KCNT2: variants seen among roughly 807,000 people sequenced by gnomAD.
KCNT2 encodes the protein potassium sodium-activated channel subfamily T member 2, also known as potassium channel subfamily T member 2.
Under a neutral mutation model 153.8 loss-of-function variants are expected in KCNT2, and 67 were observed. The ratio of observed to expected loss-of-function variants is 0.44; its 90% CI spans 0.36 to 0.53. KCNT2 has a LOEUF of 0.53. Ranked by LOEUF, KCNT2 falls within the 20% of genes least tolerant of loss-of-function variation. The pLI is 0.00. For synonymous variants in KCNT2, 500 were observed against 458.8 expected, an observed-to-expected ratio of 1.09 and a Z score of -1.15; for missense variants, 975 against 1,354.8, an observed-to-expected ratio of 0.72 and a Z score of 4.40.
chr1:196,372,880 G>A (rs1441569049), intron 14 of KCNT2, among the ~76,000 whole-genome samples: 2 of 151,718 alleles, frequency 1.3e-5, no homozygotes, highest in Non-Finnish European at 2.9e-5. Context: ...AAATGATGCC[G>A]GCACTTAGAA....
chr1:196,232,411 T>A (rs1356044475), intron 27 of KCNT2, among the ~76,000 whole-genome samples: 1 of 151,744 alleles, frequency 6.6e-6, no homozygotes, highest in African/African-American at 2.4e-5. Context: ...TTCCTTTTCC[T>A]ATTATTGTCA....
chr1:196,562,069 A>G (rs950287598), intron 1 of KCNT2, among the ~76,000 whole-genome samples: 15 of 151,952 alleles, frequency 9.9e-5, no homozygotes, highest in Admixed American at 6.6e-5. Flanking sequence ...GACTTGAAAA[A>G]GGTGCCAGGC....
intron 25 of KCNT2, among the ~76,000 whole-genome samples, chr1:196,268,565 G>A (rs1364577169): frequency 6.6e-6 from 1 of 152,112 alleles, no homozygotes; most frequent in Non-Finnish European, 1.5e-5. Context: ...AACTGTAACA[G>A]TGTCTCACTC....
chr1:196,417,333 T>C (rs1034161784), intron 12 of KCNT2, among the ~76,000 whole-genome samples: 2 of 152,072 alleles, frequency 1.3e-5, no homozygotes, highest in Non-Finnish European at 2.9e-5. Flanking sequence ...AAATCAATGA[T>C]TTTTTCCTAG....
intron 14 of KCNT2, among the ~76,000 whole-genome samples, chr1:196,371,378 T>C (rs1281520126): frequency 6.6e-6 from 1 of 151,954 alleles, no homozygotes; most frequent in Non-Finnish European, 1.5e-5. Flanking sequence ...AGGGTGATGC[T>C]AAAGGGTAGA....
intron 13 of KCNT2, among the ~76,000 whole-genome samples, chr1:196,391,128 T>A (rs1670452373): frequency 6.6e-6 from 1 of 151,296 alleles, no homozygotes; most frequent in Non-Finnish European, 1.5e-5. Flanking sequence ...AGGCTCCAAC[T>A]AAAGCTCTAT....
At chr1:196,565,775 C>G (rs866136211) in intron 1 of KCNT2, among the ~76,000 whole-genome samples, 41 of 151,426 alleles carry the variant, frequency 2.7e-4, no homozygotes, top group Non-Finnish European at 8.9e-5. Context: ...AAAAGTTAAA[C>G]CCATGGAAGT....
rs758719062 is a variant in KCNT2 at position 196,426,509 on chromosome 1, A to G, written c.985-521T>C. ...AAACACTGAAAATACTGACAAAGTA[A>G]ATTAAATGAACATGATATCAAAATA... is the stretch of plus-strand genomic sequence containing the variant. On this transcript the variant is annotated intron_variant, in intron 10 of 27. Coordinates refer to ENST00000294725, the MANE Select transcript of KCNT2 (RefSeq NM_198503.5). Among the ~76,000 whole-genome samples the G allele has an allele frequency of 6.6e-5, 10 of 152,150 alleles. No individual in the cohort carries two copies. In the South Asian group the frequency reaches 1.7e-3, roughly 25 times the overall value.
chr1:196,475,302 G>A (rs1428684729), intron 5 of KCNT2, among the ~76,000 whole-genome samples: 1 of 152,090 alleles, frequency 6.6e-6, no homozygotes, highest in African/African-American at 2.4e-5. Flanking sequence ...CTGTGTGTCT[G>A]TATATTACTT....
rs950088291 is a variant in KCNT2 at position 196,238,832 on chromosome 1, A to C, written c.3212-2762T>G. 1.2e-3 allele frequency among the ~76,000 whole-genome samples: 184 copies of C among 152,144 alleles called. 1 individual carries two copies. Among genetic ancestry groups the C allele is most frequent in the African/African-American group, 4.3e-3 (177 of 41,540 alleles). On this transcript the variant is annotated intron_variant, in intron 26 of 27. Transcript: ENST00000294725. ...GTACCCGAGAACTTAAAGTATAATA[A>C]TAATTAAAAAAGAATTAAAAAGTGA...
intron 19 of KCNT2, among the ~76,000 whole-genome samples, chr1:196,322,827 C>A (rs924266968): frequency 6.6e-6 from 1 of 151,770 alleles, no homozygotes; most frequent in Non-Finnish European, 1.5e-5. Context: ...TTATTCCTTG[C>A]TAGACAATAT....
chr1:196,515,906 G>C (rs1218089310), intron 1 of KCNT2, among the ~76,000 whole-genome samples: 4 of 152,244 alleles, frequency 2.6e-5, no homozygotes, highest in Middle Eastern at 3.4e-3. Flanking sequence ...TTCTCCCACA[G>C]ATTTTTGCAA....
chr1:196,471,718 C>A (rs1230519372), intron 5 of KCNT2, among the ~76,000 whole-genome samples: 1 of 143,452 alleles, frequency 7.0e-6, no homozygotes, highest in African/African-American at 3.0e-5. Flanking sequence ...AACCTTTTAT[C>A]TCTCTTATGT....
intron 6 of KCNT2, among the ~76,000 whole-genome samples, 165 bp downstream of exon 6, chr1:196,468,829 A>T (rs1379381851): frequency 2.6e-5 from 4 of 152,108 alleles, no homozygotes; most frequent in Non-Finnish European, 5.9e-5. Context: ...ATTTAGTTAC[A>T]CAACACGATC....
chr1:196,369,306 A>T (rs963948006), intron 14 of KCNT2, among the ~76,000 whole-genome samples: 3 of 152,026 alleles, frequency 2.0e-5, no homozygotes, highest in African/African-American at 4.8e-5. Context: ...CTAAAGAATA[A>T]ATTTTTTTTT....
At position 196,228,204 on chromosome 1, in the gene KCNT2, AG is replaced by A. The variant is rs754193691; in HGVS notation, c.*19del. 3.4e-6 allele frequency: 5 copies of A among 1,477,834 alleles called. No individual in the cohort carries two copies. The highest frequency in any genetic ancestry group is 4.5e-5 in the East Asian group (2 of 44,082). 91.5% of individuals were successfully genotyped at this position (1,477,834 alleles called of 1,614,324 possible). On this transcript the variant is annotated 3_prime_UTR_variant, in exon 28 of 28. Coordinates refer to ENST00000294725, the MANE Select transcript of KCNT2 (RefSeq NM_198503.5). ...TCAAGCAAGGTCTTTGTAGGAAAAA[AG>A]TTTCTCATTTTATTTTTATCAAAGT...
intron 21 of KCNT2, among the ~76,000 whole-genome samples, chr1:196,308,192 A>G (rs987914623): frequency 1.3e-5 from 2 of 152,004 alleles, no homozygotes; most frequent in African/African-American, 2.4e-5. Context: ...ACACACATCC[A>G]TAAAACAATA....
chr1:196,294,767 T>A (rs1012582997), intron 22 of KCNT2, among the ~76,000 whole-genome samples: 18 of 151,672 alleles, frequency 1.2e-4, no homozygotes, highest in African/African-American at 4.4e-4. Flanking sequence ...GTGTCCATCA[T>A]CAGATTAACG....
chr1:196,273,379 A>G (rs982872331), intron 25 of KCNT2: 29 of 823,972 alleles, frequency 3.5e-5, no homozygotes, highest in Admixed American at 7.1e-5. Flanking sequence ...TGAGTATTAA[A>G]TTCAATATTT....
Sources: allele counts gnomAD v4.1 joint callset (sites outside exome capture counted in the v4.1 genomes callset), GRCh38; gene constraint gnomAD v4.1.1; transcripts MANE v1.5; gene names NCBI Gene and HGNC (gene_info 2026-07-23, HGNC 2026-07-21).